Variants in PTPRG observed in about 807,000 individuals in gnomAD.
The protein encoded by PTPRG is receptor-type tyrosine-protein phosphatase gamma.
A neutral mutation model predicts 165.3 loss-of-function variants in PTPRG; 102 were observed. The observed-to-expected ratio is 0.62, with a 90% CI of 0.53 to 0.73. The LOEUF is 0.73. PTPRG is among the 30% of genes least tolerant of loss of function. The pLI is 0.00. For missense variants in PTPRG, 1,866 were observed against 1,861.4 expected, an observed-to-expected ratio of 1.00 and a Z score of -0.05; for synonymous variants, 675 against 669.5, an observed-to-expected ratio of 1.01 and a Z score of -0.13.
chr3:61,564,608 G>T (rs540786064), intron 1 of PTPRG, among the ~76,000 whole-genome samples: 1 of 152,232 alleles, frequency 6.6e-6, no homozygotes. Context: ...TTGGAAAAGT[G>T]CAGCCCGAGA....
intron 5 of PTPRG, among the ~76,000 whole-genome samples, chr3:62,130,973 T>A (rs1255463266): frequency 6.6e-6 from 1 of 152,150 alleles, no homozygotes; most frequent in African/African-American, 2.4e-5. Flanking sequence ...TACAATGTAG[T>A]AGCAAATTCC....
chr3:61,615,676 A>G (rs1701279303), intron 1 of PTPRG, among the ~76,000 whole-genome samples: 1 of 152,124 alleles, frequency 6.6e-6, no homozygotes, highest in South Asian at 2.1e-4. Flanking sequence ...ATCAGTTTGG[A>G]TGATGGATTT....
chr3:62,064,500 T>TC (rs34547959), intron 4 of PTPRG, among the ~76,000 whole-genome samples: 72,405 of 151,768 alleles, frequency 0.48, 18,217 homozygotes, highest in East Asian at 0.68. Flanking sequence ...ATTTCTTCCT[T>TC]CCCCTCCGTA....
At chr3:61,641,402 G>T (rs1053215046) in intron 1 of PTPRG, among the ~76,000 whole-genome samples, 1 of 152,214 alleles carries the variant, frequency 6.6e-6, no homozygotes, top group East Asian at 1.9e-4. Context: ...CCTGTGGACT[G>T]CAGGAATAGT....
chr3:61,608,377 A>G (rs2106865830), intron 1 of PTPRG, among the ~76,000 whole-genome samples: 1 of 152,332 alleles, frequency 6.6e-6, no homozygotes, highest in South Asian at 2.1e-4. Flanking sequence ...TTCAGGAGCA[A>G]CTATGTGATC....
At chr3:62,094,946 C>T (rs939966971) in intron 5 of PTPRG, among the ~76,000 whole-genome samples, 3 of 152,130 alleles carry the variant, frequency 2.0e-5, no homozygotes, top group African/African-American at 4.8e-5. Flanking sequence ...ATCCACAGGC[C>T]GACTGTGCCA....
intron 27 of PTPRG, 136 bp from the exon 28 acceptor site, chr3:62,282,591 C>A: frequency 1.3e-6 from 1 of 798,364 alleles, no homozygotes; most frequent in Non-Finnish European, 1.8e-6. Context: ...TTCTTCTTTC[C>A]AGCTGTGGTT....
intron 1 of PTPRG, among the ~76,000 whole-genome samples, chr3:61,686,042 G>A (rs943968346): frequency 6.6e-6 from 1 of 152,198 alleles, no homozygotes. Flanking sequence ...ACCCTGCACC[G>A]TGAGGAGCAC....
At chr3:61,597,441 G>T (rs985976679) in intron 1 of PTPRG, among the ~76,000 whole-genome samples, 2 of 152,082 alleles carry the variant, frequency 1.3e-5, no homozygotes, top group Non-Finnish European at 2.9e-5. Context: ...TGTTAGGGAG[G>T]CCTGACTGCA....
chr3:61,971,928 T>C (rs568021096), intron 2 of PTPRG, among the ~76,000 whole-genome samples: 2 of 152,394 alleles, frequency 1.3e-5, no homozygotes, highest in South Asian at 2.1e-4. Flanking sequence ...TGTTTTAGAA[T>C]ACTTATTGAC....
intron 2 of PTPRG, among the ~76,000 whole-genome samples, chr3:61,863,725 G>A (rs908153684): frequency 5.3e-5 from 8 of 152,116 alleles, no homozygotes; most frequent in Non-Finnish European, 1.2e-4. Flanking sequence ...TGCAAGCCTT[G>A]GGTGACTTCA....
chr3:61,817,048 A>C (rs1047856676), intron 2 of PTPRG, among the ~76,000 whole-genome samples: 1 of 129,008 alleles, frequency 7.8e-6, no homozygotes, highest in African/African-American at 3.0e-5. Flanking sequence ...AATATATAAT[A>C]TTATATATAA....
chr3:62,073,860 C>T (rs1701289892), intron 4 of PTPRG, among the ~76,000 whole-genome samples: 1 of 151,994 alleles, frequency 6.6e-6, no homozygotes, highest in Non-Finnish European at 1.5e-5. Flanking sequence ...GTAACTGTTC[C>T]GGATGAAGAT....
At chr3:61,977,091 TC>T (rs2040527236) in intron 2 of PTPRG, among the ~76,000 whole-genome samples, 1 of 152,148 alleles carries the variant, frequency 6.6e-6, no homozygotes, top group South Asian at 2.1e-4. Flanking sequence ...CACCCCCTAG[TC>T]CCTGAGATTT....
intron 1 of PTPRG, among the ~76,000 whole-genome samples, chr3:61,664,103 C>A (rs1702743030): frequency 6.6e-6 from 1 of 152,172 alleles, no homozygotes. Context: ...GCAGAATTAG[C>A]CTTGGTAATT....
At chr3:61,898,411 T>C (rs1232780397) in intron 2 of PTPRG, among the ~76,000 whole-genome samples, 1 of 152,226 alleles carries the variant, frequency 6.6e-6, no homozygotes, top group Non-Finnish European at 1.5e-5. Flanking sequence ...TTTGCCCTTA[T>C]GCTGCTGCTT....
chr3:61,926,887 TAAAAC>T (rs1452248077), intron 2 of PTPRG, among the ~76,000 whole-genome samples: 3 of 150,952 alleles, frequency 2.0e-5, no homozygotes, highest in African/African-American at 7.4e-5. Flanking sequence ...AGGTTGAAAT[TAAAAC>T]AAAAACGAAA....
chr3:61,589,121 C>T lies in PTPRG; in HGVS notation c.85+26749C>T, dbSNP rs530866789. ...AATTAAAAATAATATTATTTTGAGA[C>T]GGACATAATTATATGACTTTCAAAT... On this transcript the variant is annotated intron_variant, in intron 1 of 29. Transcript: ENST00000474889. Among the ~76,000 whole-genome samples, 20 of 152,230 alleles carry T rather than the reference C, an allele frequency of 1.3e-4. No individual in the cohort carries two copies. In the South Asian group the frequency reaches 3.1e-3, roughly 24 times the overall value.
chr3:62,161,111 CT>C (rs1390336676), intron 7 of PTPRG, among the ~76,000 whole-genome samples: 2 of 151,902 alleles, frequency 1.3e-5, no homozygotes, highest in East Asian at 3.9e-4. Context: ...GATGATAATA[CT>C]CCCCTCATGG....
Sources: allele counts gnomAD v4.1 joint callset (sites outside exome capture counted in the v4.1 genomes callset), GRCh38; gene constraint gnomAD v4.1.1; transcripts MANE v1.5; gene names NCBI Gene and HGNC (gene_info 2026-07-23, HGNC 2026-07-21).